The following MYO3B variants were observed in gnomAD, a reference collection of about 807,000 sequenced individuals.
MYO3B encodes the protein myosin IIIB.
In MYO3B, 156 loss-of-function variants were observed where a neutral mutation model predicts 174.6. That is an observed-to-expected ratio of 0.89 (90% confidence interval 0.78 to 1.02). MYO3B has a LOEUF of 1.02. MYO3B is among the 50% of genes least tolerant of loss of function. MYO3B has a pLI of 0.00. For missense variants in MYO3B, 1,632 were observed against 1,639.4 expected, an observed-to-expected ratio of 1.00 and a Z score of 0.08; for synonymous variants, 563 against 569.1, an observed-to-expected ratio of 0.99 and a Z score of 0.15.
chr2:170,588,971 A>G (rs1268930969), intron 32 of MYO3B, among the ~76,000 whole-genome samples: 1 of 152,196 alleles, frequency 6.6e-6, no homozygotes, highest in Non-Finnish European at 1.5e-5. Context: ...ACGGCCAACA[A>G]CTTTAACCTG....
At chr2:170,405,053 C>T (rs561168937) in intron 20 of MYO3B, among the ~76,000 whole-genome samples, 1 of 152,308 alleles carries the variant, frequency 6.6e-6, no homozygotes, top group South Asian at 2.1e-4. Context: ...AGCAGTTTCT[C>T]ATACTTAGTA....
intron 23 of MYO3B, among the ~76,000 whole-genome samples, chr2:170,455,427 G>A (rs1683851978): frequency 6.6e-6 from 1 of 152,134 alleles, no homozygotes; most frequent in Non-Finnish European, 1.5e-5. Flanking sequence ...TAAGAAATAT[G>A]GTTTAGGAAT....
chr2:170,425,656 T>G (rs2094654788), intron 22 of MYO3B, among the ~76,000 whole-genome samples: 1 of 152,136 alleles, frequency 6.6e-6, no homozygotes, highest in Admixed American at 6.5e-5. Flanking sequence ...GTTTGGTGTG[T>G]AAACAGCCAA....
intron 25 of MYO3B, among the ~76,000 whole-genome samples, chr2:170,479,556 A>C (rs1301956345): frequency 6.8e-6 from 1 of 146,210 alleles, no homozygotes; most frequent in Non-Finnish European, 1.5e-5. Context: ...TATTTTATAT[A>C]AATGTATGTT....
intron 22 of MYO3B, among the ~76,000 whole-genome samples, chr2:170,413,724 G>C (rs1444540789): frequency 2.0e-5 from 3 of 152,132 alleles, no homozygotes; most frequent in Non-Finnish European, 4.4e-5. Flanking sequence ...ATGCCTAGTT[G>C]TTCCAAAACC....
Position 170,214,480 on chromosome 2 carries a change from C to T in MYO3B, c.423C>T (p.Leu141=). 1 of 1,613,838 alleles carries T rather than the reference C, an allele frequency of 6.2e-7. No individual in the cohort carries two copies. The highest frequency in any genetic ancestry group is 2.2e-5 in the East Asian group (1 of 44,878). ...AMISYILYGA[L]LGLQHLHNNR... ...TCTCATACATCTTGTACGGGGCCCTCTTGGTAAGAACATCTATCAAATGGG... is the reference window on the plus strand; with the variant it reads ...TCTCATACATCTTGTACGGGGCCCTTTTGGTAAGAACATCTATCAAATGGG... Residue 141 remains leucine (L), a synonymous_variant, in exon 4 of 35, where the codon CTC becomes CTT. Coordinates refer to ENST00000408978, the MANE Select transcript of MYO3B (RefSeq NM_138995.5).
At chr2:170,334,375 A>G (rs1206034228) in intron 7 of MYO3B, 8 of 152,200 alleles carry the variant, frequency 5.3e-5, no homozygotes, top group Non-Finnish European at 1.5e-5. Context: ...TTGCGATCAC[A>G]TTATCTGATG....
At chr2:170,579,887 C>T (rs1046922464) in intron 32 of MYO3B, among the ~76,000 whole-genome samples, 4 of 152,224 alleles carry the variant, frequency 2.6e-5, no homozygotes, top group African/African-American at 9.6e-5. Flanking sequence ...AGGTTCTGCT[C>T]CTTGTTCAGG....
At chr2:170,492,755 AC>A (rs142798968) in intron 25 of MYO3B, among the ~76,000 whole-genome samples, 9,612 of 152,098 alleles carry the variant, frequency 0.063, 947 homozygotes, top group African/African-American at 0.21. Flanking sequence ...AGTTATGGAG[AC>A]CTGATAGACT....
At chr2:170,369,504 A>C (rs1392362395) in intron 9 of MYO3B, 127 bp downstream of exon 9, 1 of 1,094,724 alleles carries the variant, frequency 9.1e-7, no homozygotes, top group Admixed American at 2.6e-5. Flanking sequence ...TTTTATTTAC[A>C]TGACATTAAG....
chr2:170,470,373 C>A (rs1222003259), intron 25 of MYO3B, among the ~76,000 whole-genome samples: 1 of 152,058 alleles, frequency 6.6e-6, no homozygotes, highest in African/African-American at 2.4e-5. Context: ...TTGTGTCTGG[C>A]TTCTTTTACT....
At chr2:170,498,334 A>G (rs1279348120) in intron 25 of MYO3B, among the ~76,000 whole-genome samples, 2 of 152,194 alleles carry the variant, frequency 1.3e-5, no homozygotes, top group Admixed American at 6.5e-5. Flanking sequence ...AATGCACTAG[A>G]CACCAAGTAT....
chr2:170,381,376 A>T (rs2094334321), intron 9 of MYO3B, among the ~76,000 whole-genome samples: 1 of 152,202 alleles, frequency 6.6e-6, no homozygotes, highest in African/African-American at 2.4e-5. Context: ...AACTAAACAT[A>T]CAGAACCTGT....
chr2:170,400,435 T>A, intron 17 of MYO3B, 121 bp downstream of exon 17: 1 of 1,208,326 alleles, frequency 8.3e-7, no homozygotes, highest in Non-Finnish European at 1.1e-6. Flanking sequence ...AGATGGAGTC[T>A]CACTCTGTCA....
At chr2:170,260,872 A>G (rs1486122279) in intron 7 of MYO3B, among the ~76,000 whole-genome samples, 2 of 152,190 alleles carry the variant, frequency 1.3e-5, no homozygotes, top group African/African-American at 4.8e-5. Flanking sequence ...TATATTTCAT[A>G]GTAAGAAGAG....
At chr2:170,194,310 G>A (rs1474542214) in intron 1 of MYO3B, among the ~76,000 whole-genome samples, 1 of 152,108 alleles carries the variant, frequency 6.6e-6, no homozygotes, top group Non-Finnish European at 1.5e-5. Context: ...TTCAAGACCA[G>A]CCTGGGCTGT....
chr2:170,435,323 A>G (rs558016426), intron 22 of MYO3B, among the ~76,000 whole-genome samples: 1 of 152,346 alleles, frequency 6.6e-6, no homozygotes, highest in East Asian at 1.9e-4. Flanking sequence ...TGGAAACAGC[A>G]AGGGGAGGAC....
chr2:170,417,093 G>T (rs1177579009), intron 22 of MYO3B, among the ~76,000 whole-genome samples: 4 of 151,974 alleles, frequency 2.6e-5, no homozygotes, highest in Non-Finnish European at 5.9e-5. Flanking sequence ...CAAAGTGTTG[G>T]GATTATAGGC....
chr2:170,526,378 G>A (rs1454120154), intron 30 of MYO3B, among the ~76,000 whole-genome samples: 4 of 152,200 alleles, frequency 2.6e-5, no homozygotes, highest in Non-Finnish European at 5.9e-5. Flanking sequence ...AAAGTTTTCT[G>A]TAAAGTTAAA....
Sources: gnomAD v4.1 joint callset for allele counts (sites outside exome capture counted in the v4.1 genomes callset) on GRCh38, gnomAD v4.1.1 for gene constraint, MANE v1.5 for transcripts, NCBI Gene and HGNC (gene_info 2026-07-23, HGNC 2026-07-21) for gene names.